Variants in MKLN1 observed in about 807,000 individuals in gnomAD.
MKLN1 encodes muskelin 1, also known as muskelin.
MKLN1 carries 18 observed loss-of-function variants against 99.0 expected under a neutral mutation model. The observed-to-expected ratio is 0.18, with a 90% CI of 0.13 to 0.27. MKLN1 has a LOEUF of 0.27. Among genes scored for constraint, MKLN1 ranks in the 10% least tolerant of loss-of-function variants. The pLI, the probability that MKLN1 is intolerant of heterozygous loss-of-function variation, is 1.00. For synonymous variants in MKLN1, 288 were observed against 293.2 expected (o/e 0.98, Z 0.18); for missense variants, 621 against 875.9 (o/e 0.71, Z 3.67).
chr7:131,420,943 G>A (rs1290936291), intron 8 of MKLN1, among the ~76,000 whole-genome samples: 1 of 152,166 alleles, frequency 6.6e-6, no homozygotes, highest in African/African-American at 2.4e-5. Flanking sequence ...TTGATAAGTA[G>A]ATCAGGTTAT....
intron 4 of MKLN1, among the ~76,000 whole-genome samples, chr7:131,396,580 T>TA (rs778204760): frequency 6.6e-6 from 1 of 152,166 alleles, no homozygotes; most frequent in Non-Finnish European, 1.5e-5. Flanking sequence ...TGATGCTTTT[T>TA]AAAAAAATCT....
intron 1 of MKLN1, among the ~76,000 whole-genome samples, chr7:131,350,674 A>T (rs1799694892): frequency 6.6e-6 from 1 of 152,244 alleles, no homozygotes. Context: ...ATCAATGCCA[A>T]CAAGGGAAAG....
chr7:131,144,305 C>T (rs891233189), intron 2 of MKLN1, among the ~76,000 whole-genome samples: 21 of 151,202 alleles, frequency 1.4e-4, no homozygotes, highest in Admixed American at 4.6e-4. Flanking sequence ...TGTGAAACCC[C>T]GTCTCTACTA....
chr7:131,291,127 T>G (rs946855007), intron 3 of MKLN1, among the ~76,000 whole-genome samples: 2 of 149,572 alleles, frequency 1.3e-5, no homozygotes, highest in African/African-American at 4.9e-5. Flanking sequence ...ATTTATTTAT[T>G]TATTTATTTA....
Position 131,437,859 on chromosome 7 carries a change from T to C in MKLN1, c.1035T>C (p.Arg345=). 6.2e-7 allele frequency: 1 copy of C among 1,613,906 alleles called. No individual in the cohort carries two copies. Among genetic ancestry groups the C allele is most frequent in the Non-Finnish European group, 8.5e-7 (1 of 1,179,856 alleles). Residue 345 remains arginine, a synonymous_variant, in exon 10 of 18, where the codon CGT becomes CGC. Coordinates refer to ENST00000352689, the MANE Select transcript of MKLN1 (RefSeq NM_013255.5). The stretch of plus-strand genomic sequence containing the variant: ...GGAGGCAAATCTACACATTGGGGCG[T>C]TACTTGGATTCCTCTGTGAGGAACA... ...IQRRQIYTLG[R]YLDSSVRNSK...
At chr7:131,424,609 A>G (rs1458575335) in intron 8 of MKLN1, among the ~76,000 whole-genome samples, 1 of 150,782 alleles carries the variant, frequency 6.6e-6, no homozygotes, top group Non-Finnish European at 1.5e-5. Flanking sequence ...GATTGGTACT[A>G]CTGGTAGTCG....
intron 3 of MKLN1, among the ~76,000 whole-genome samples, chr7:131,222,700 T>A (rs1394304919): frequency 2.6e-5 from 4 of 151,964 alleles, no homozygotes; most frequent in Admixed American, 2.0e-4. Context: ...AGGAAGCCAT[T>A]TCTACCCATA....
Position 131,126,184 on chromosome 7 carries a change from C to T in MKLN1, c.-419+15977C>T, listed in dbSNP as rs111563657. Among the ~76,000 whole-genome samples the T allele has an allele frequency of 2.2e-4, 34 of 152,212 alleles. 1 individual carries two copies. The highest frequency in any genetic ancestry group is 7.7e-4 in the African/African-American group (32 of 41,532). On this transcript the variant is annotated intron_variant, in intron 1 of 7. Coordinates refer to the MKLN1 transcript ENST00000416992. ...GCAGGAGAAGGGGTATATAACGAGGCTTCCTTCAAAAAGGAGGGCTCAGAT... is the reference window on the plus strand; with the variant it reads ...GCAGGAGAAGGGGTATATAACGAGGTTTCCTTCAAAAAGGAGGGCTCAGAT...
At chr7:131,343,235 A>G (rs554747937) in intron 1 of MKLN1, among the ~76,000 whole-genome samples, 110 of 152,306 alleles carry the variant, frequency 7.2e-4, no homozygotes, top group Admixed American at 2.0e-3. Context: ...ATCAGCTCCA[A>G]TTTAGGAGAT....
intron 3 of MKLN1, among the ~76,000 whole-genome samples, chr7:131,318,809 A>G (rs938937596): frequency 2.0e-5 from 3 of 152,218 alleles, no homozygotes; most frequent in African/African-American, 7.2e-5. Context: ...AGAGAATACT[A>G]TAAACACCTC....
intron 10 of MKLN1, among the ~76,000 whole-genome samples, chr7:131,439,772 T>G (rs560964891): frequency 1.4e-4 from 21 of 152,302 alleles, no homozygotes; most frequent in African/African-American, 3.8e-4. Context: ...TCTGGATTTC[T>G]TAAGAACATA....
intron 2 of MKLN1, among the ~76,000 whole-genome samples, chr7:131,379,568 T>G (rs1267292094): frequency 6.6e-6 from 1 of 152,168 alleles, no homozygotes; most frequent in South Asian, 2.1e-4. Context: ...AGTCAAATTT[T>G]AAAAAATATT....
intron 5 of MKLN1, among the ~76,000 whole-genome samples, chr7:131,398,627 G>T (rs1403630510): frequency 1.3e-5 from 2 of 151,974 alleles, no homozygotes; most frequent in South Asian, 2.1e-4. Context: ...GGAGGCGGAG[G>T]TTGCAGTGAG....
upstream of MKLN1, among the ~76,000 whole-genome samples, chr7:131,325,261 TTGTGA>T (rs1798861384): frequency 6.6e-6 from 1 of 152,004 alleles, no homozygotes; most frequent in South Asian, 2.1e-4. Flanking sequence ...TTAAAATATA[TTGTGA>T]TGTGTGCTAA....
chr7:131,397,490 G>T, intron 5 of MKLN1, 114 bp downstream of exon 5: 1 of 609,218 alleles, frequency 1.6e-6, no homozygotes, highest in South Asian at 2.9e-5. Context: ...ACAACAGTTA[G>T]CTAACATTTT....
In MKLN1 at chr7:131,369,412, G is replaced by T. The variant is rs77997532; in HGVS notation, c.99-6012G>T. Among the ~76,000 whole-genome samples the T allele has an allele frequency of 7.8e-4, 119 of 152,212 alleles. 1 individual carries two copies. In the East Asian group the frequency reaches 0.015, roughly 19 times the overall value. On this transcript the variant is annotated intron_variant, in intron 1 of 17. Coordinates refer to ENST00000352689, the MANE Select transcript of MKLN1 (RefSeq NM_013255.5). ...TTCATCAATTTGATGGGTAAAAAGG[G>T]ATATCTTACTATTTTAATTTCTTTT...
At chr7:131,121,396 C>T (rs1795366610) in intron 1 of MKLN1, among the ~76,000 whole-genome samples, 1 of 152,064 alleles carries the variant, frequency 6.6e-6, no homozygotes, top group Non-Finnish European at 1.5e-5. Context: ...CCAGCAGAAC[C>T]AAGAACCAAC....
intron 3 of MKLN1, among the ~76,000 whole-genome samples, chr7:131,259,714 AT>A (rs1231461289): frequency 6.6e-6 from 1 of 152,150 alleles, no homozygotes; most frequent in Admixed American, 6.5e-5. Context: ...CATTTTAATC[AT>A]TTTTAAGTGT....
chr7:131,134,672 G>A (rs1247144315), intron 1 of MKLN1, among the ~76,000 whole-genome samples: 1 of 152,114 alleles, frequency 6.6e-6, no homozygotes, highest in Non-Finnish European at 1.5e-5. Context: ...TGTCTTCAGT[G>A]CTACTTTTAA....
Sources: allele counts gnomAD v4.1 joint callset (sites outside exome capture counted in the v4.1 genomes callset), GRCh38; gene constraint gnomAD v4.1.1; transcripts MANE v1.5; gene names NCBI Gene and HGNC (gene_info 2026-07-23, HGNC 2026-07-21).